ROBO1: variants seen among roughly 807,000 people sequenced by gnomAD.
ROBO1 encodes roundabout homolog 1.
ROBO1 carries 149 observed loss-of-function variants against 195.9 expected under a neutral mutation model. That is an observed-to-expected ratio of 0.76 (90% CI 0.67 to 0.87). The LOEUF (loss-of-function observed/expected upper bound fraction) is 0.87. Among genes scored for constraint, ROBO1 ranks in the 40% least tolerant of loss-of-function variants. ROBO1 has a pLI of 0.00. For missense variants in ROBO1, 1,933 were observed against 2,068.3 expected, an observed-to-expected ratio of 0.93 and a Z score of 1.27; for synonymous variants, 816 against 733.2, an observed-to-expected ratio of 1.11 and a Z score of -1.82.
At chr3:78,833,344 G>A (rs1308032453) in intron 4 of ROBO1, among the ~76,000 whole-genome samples, 1 of 152,140 alleles carries the variant, frequency 6.6e-6, no homozygotes, top group African/African-American at 2.4e-5. Flanking sequence ...TTCGTTTTTA[G>A]CTTAGTGGGC....
intron 8 of ROBO1, among the ~76,000 whole-genome samples, chr3:78,701,970 TA>T (rs1381930378): frequency 6.6e-6 from 1 of 152,202 alleles, no homozygotes; most frequent in African/African-American, 2.4e-5. Context: ...AAAAGCAAAT[TA>T]AAGTGCTCAT....
At chr3:78,953,426 CCA>C (rs1396936045) in intron 3 of ROBO1, among the ~76,000 whole-genome samples, 4 of 152,020 alleles carry the variant, frequency 2.6e-5, no homozygotes, top group Non-Finnish European at 5.9e-5. Flanking sequence ...ACCAATTTAT[CCA>C]TTAGTTGTTT....
chr3:79,012,880 A>G (rs1214538308), intron 3 of ROBO1, among the ~76,000 whole-genome samples: 1 of 152,140 alleles, frequency 6.6e-6, no homozygotes, highest in Non-Finnish European at 1.5e-5. Flanking sequence ...TTCAACAGCA[A>G]GATTGAAGGA....
chr3:79,464,381 C>T (rs1220869752), intron 2 of ROBO1, among the ~76,000 whole-genome samples: 1 of 152,216 alleles, frequency 6.6e-6, no homozygotes, highest in East Asian at 1.9e-4. Flanking sequence ...TAAATTTCTA[C>T]CAGCACTGCA....
At chr3:78,600,870 A>G (rs1305685663) in intron 29 of ROBO1, among the ~76,000 whole-genome samples, 1 of 152,146 alleles carries the variant, frequency 6.6e-6, no homozygotes, top group Non-Finnish European at 1.5e-5. Context: ...ATCAAACAGA[A>G]CCAAGCCTGG....
intron 5 of ROBO1, among the ~76,000 whole-genome samples, chr3:78,718,367 A>G (rs1189770363): frequency 6.6e-6 from 1 of 152,214 alleles, no homozygotes; most frequent in Admixed American, 6.5e-5. Flanking sequence ...AATTTGCCAG[A>G]GTTGCTTTAA....
intron 4 of ROBO1, among the ~76,000 whole-genome samples, chr3:78,931,682 T>C (rs771253352): frequency 1.2e-4 from 18 of 152,288 alleles, no homozygotes; most frequent in Non-Finnish European, 2.1e-4. Context: ...AAGGTTTAAA[T>C]TGTCCAGGTA....
chr3:78,810,334 A>C (rs2084697704), intron 4 of ROBO1, among the ~76,000 whole-genome samples: 1 of 152,132 alleles, frequency 6.6e-6, no homozygotes, highest in Non-Finnish European at 1.5e-5. Context: ...ACACAGGGAG[A>C]AAGAGAAAGG....
At chr3:79,200,916 T>C (rs2081750922) in intron 2 of ROBO1, among the ~76,000 whole-genome samples, 1 of 152,014 alleles carries the variant, frequency 6.6e-6, no homozygotes, top group African/African-American at 2.4e-5. Flanking sequence ...TTGTTTTTGT[T>C]AAATTATGTC....
Position 78,651,915 on chromosome 3 carries a change from G to T in ROBO1, c.2629C>A (p.Pro877Thr). 6.2e-7 allele frequency: 1 copy of T among 1,612,022 alleles called. No homozygotes were observed. Among genetic ancestry groups the T allele is most frequent in the Non-Finnish European group, 8.5e-7 (1 of 1,178,972 alleles). ...CTGACTTGGTCCTCAGGTGACACAG[G>T]GTTTCCATGGGCATCTGAAAAGTCA... ...QFIQLDAHGN[P>T]VSPEDQVSLA... The change falls in exon 19 of 31, where the codon CCT becomes ACT. Residue 877 changes from proline to threonine, a missense_variant. This residue lies in a region of ROBO1 where 1,737 missense variants were observed against 1,882.5 expected (regional missense o/e 0.92). Transcript: ENST00000464233.
intron 2 of ROBO1, among the ~76,000 whole-genome samples, chr3:79,534,349 G>A (rs1268078407): frequency 6.6e-6 from 1 of 151,898 alleles, no homozygotes; most frequent in East Asian, 1.9e-4. Context: ...ACGAATATGC[G>A]ACCATTTCTA....
intron 1 of ROBO1, among the ~76,000 whole-genome samples, chr3:79,765,210 A>T (rs1704918454): frequency 6.6e-6 from 1 of 152,240 alleles, no homozygotes; most frequent in Non-Finnish European, 1.5e-5. Flanking sequence ...GCAGGAAGAT[A>T]TGTGCGAAAA....
At chr3:79,408,226 TAAA>T in intron 2 of ROBO1, among the ~76,000 whole-genome samples, 1 of 124,384 alleles carries the variant, frequency 8.0e-6, no homozygotes. Flanking sequence ...CTCAAAAAAA[TAAA>T]AAAAATAAAA....
At chr3:79,753,977 G>T (rs1007433795) in intron 1 of ROBO1, among the ~76,000 whole-genome samples, 1 of 152,142 alleles carries the variant, frequency 6.6e-6, no homozygotes, top group South Asian at 2.1e-4. Context: ...TGAAGAACAG[G>T]AGACAGCCAA....
intron 1 of ROBO1, among the ~76,000 whole-genome samples, chr3:79,625,719 G>A (rs1227902224): frequency 6.6e-6 from 1 of 151,992 alleles, no homozygotes; most frequent in Non-Finnish European, 1.5e-5. Context: ...GTAATTAAAA[G>A]CCTACCAACC....
chr3:78,692,852 A>G (rs1452290669), intron 8 of ROBO1: 1 of 152,304 alleles, frequency 6.6e-6, no homozygotes, highest in Non-Finnish European at 1.5e-5. Context: ...CACAGAAATG[A>G]AAATGAGTGC....
intron 1 of ROBO1, among the ~76,000 whole-genome samples, chr3:79,746,641 GA>G (rs1431984535): frequency 1.3e-5 from 2 of 151,940 alleles, no homozygotes; most frequent in Admixed American, 1.3e-4. Context: ...AATGAAATGA[GA>G]AATATACCAC....
At chr3:79,763,558 C>T (rs1006297138) in intron 1 of ROBO1, among the ~76,000 whole-genome samples, 2 of 152,074 alleles carry the variant, frequency 1.3e-5, no homozygotes, top group Admixed American at 6.5e-5. Flanking sequence ...AGAGAAGACA[C>T]GTGTGCAGAA....
intron 8 of ROBO1, among the ~76,000 whole-genome samples, chr3:78,712,884 T>C (rs1458651505): frequency 6.6e-6 from 1 of 152,162 alleles, no homozygotes; most frequent in African/African-American, 2.4e-5. Context: ...GCTACCAAGG[T>C]AAAGTACTTT....
Sources: allele counts gnomAD v4.1 joint callset (sites outside exome capture counted in the v4.1 genomes callset), GRCh38; gene constraint gnomAD v4.1.1; regional missense constraint gnomAD v4.1.1; transcripts MANE v1.5; gene names NCBI Gene and HGNC (gene_info 2026-07-23, HGNC 2026-07-21).